DLG2: variants seen among roughly 807,000 people sequenced by gnomAD.
DLG2 encodes disks large homolog 2.
DLG2 carries 45 observed loss-of-function variants against 132.5 expected under a neutral mutation model. That is an observed-to-expected ratio of 0.34 (90% CI 0.27 to 0.44). The LOEUF is 0.44. Ranked by LOEUF, DLG2 falls within the 20% of genes least tolerant of loss-of-function variation. The pLI is 1.00. For missense variants in DLG2, 1,045 were observed against 1,196.9 expected (o/e 0.87, Z 1.87); for synonymous variants, 424 against 419.6 (o/e 1.01, Z -0.13).
chr11:84,259,997 A>G (rs1329963554), intron 7 of DLG2, among the ~76,000 whole-genome samples: 1 of 151,220 alleles, frequency 6.6e-6, no homozygotes, highest in Non-Finnish European at 1.5e-5. Flanking sequence ...ACTCACCATT[A>G]GTATTTTTTA....
chr11:85,094,414 T>A (rs1181345057), intron 6 of DLG2, among the ~76,000 whole-genome samples: 1 of 152,242 alleles, frequency 6.6e-6, no homozygotes, highest in Non-Finnish European at 1.5e-5. Context: ...AGCACCTTCT[T>A]TCATTAGAAG....
At chr11:84,674,106 A>G (rs2099708866) in intron 6 of DLG2, among the ~76,000 whole-genome samples, 1 of 152,200 alleles carries the variant, frequency 6.6e-6, no homozygotes, top group African/African-American at 2.4e-5. Context: ...AATTGGGCAC[A>G]GTAGTGAAAG....
At chr11:84,458,195 T>A (rs2099070534) in intron 7 of DLG2, among the ~76,000 whole-genome samples, 1 of 150,852 alleles carries the variant, frequency 6.6e-6, no homozygotes, top group Non-Finnish European at 1.5e-5. Flanking sequence ...ATATTCCATC[T>A]CATGAATGTG....
At chr11:84,082,331 A>G (rs2096916875) in intron 10 of DLG2, among the ~76,000 whole-genome samples, 1 of 152,182 alleles carries the variant, frequency 6.6e-6, no homozygotes, top group African/African-American at 2.4e-5. Flanking sequence ...TAATAAATAG[A>G]GGCTTTTAGT....
intron 7 of DLG2, among the ~76,000 whole-genome samples, chr11:84,346,085 T>C (rs2098538152): frequency 6.6e-6 from 1 of 152,266 alleles, no homozygotes; most frequent in Admixed American, 6.5e-5. Context: ...AACTACTATG[T>C]GTTTACATAT....
intron 7 of DLG2, among the ~76,000 whole-genome samples, chr11:84,475,853 C>G (rs1280892478): frequency 6.6e-6 from 1 of 152,068 alleles, no homozygotes; most frequent in Non-Finnish European, 1.5e-5. Context: ...GGTGCCCAAG[C>G]TGTGTGCTGT....
At chr11:85,502,201 A>G (rs2093820418) in intron 3 of DLG2, among the ~76,000 whole-genome samples, 1 of 152,054 alleles carries the variant, frequency 6.6e-6, no homozygotes, top group Non-Finnish European at 1.5e-5. Flanking sequence ...TTTCATTCAT[A>G]AGTGGGAGTT....
chr11:85,081,342 T>A (rs1428335077), intron 6 of DLG2, among the ~76,000 whole-genome samples: 1 of 152,136 alleles, frequency 6.6e-6, no homozygotes, highest in African/African-American at 2.4e-5. Flanking sequence ...CTGATTATAT[T>A]GAACACTTAG....
At chr11:84,966,186 T>C (rs143045649) in intron 6 of DLG2, among the ~76,000 whole-genome samples, 6 of 152,192 alleles carry the variant, frequency 3.9e-5, no homozygotes, top group Admixed American at 1.3e-4. Flanking sequence ...TATCTATCTA[T>C]CTACCATGTA....
At chr11:84,446,633 T>G (rs1347362156) in intron 7 of DLG2, among the ~76,000 whole-genome samples, 2 of 152,100 alleles carry the variant, frequency 1.3e-5, no homozygotes, top group African/African-American at 4.8e-5. Context: ...TTACTCTTTT[T>G]TTTTCTTTTT....
intron 15 of DLG2, among the ~76,000 whole-genome samples, chr11:83,906,019 T>G (rs895188317): frequency 6.6e-6 from 1 of 150,564 alleles, no homozygotes; most frequent in Non-Finnish European, 1.5e-5. Context: ...AGCTTGCTAA[T>G]TGGAAGATTG....
chr11:85,399,560 A>G (rs1285877049), intron 3 of DLG2, among the ~76,000 whole-genome samples: 1 of 152,216 alleles, frequency 6.6e-6, no homozygotes, highest in African/African-American at 2.4e-5. Context: ...CCAAAACAGC[A>G]TGGTACTGGT....
chr11:84,405,976 C>A (rs114821004), intron 7 of DLG2, among the ~76,000 whole-genome samples: 2 of 152,156 alleles, frequency 1.3e-5, no homozygotes, highest in Non-Finnish European at 2.9e-5. Flanking sequence ...CATCTCTTGC[C>A]AAGATCATGA....
At chr11:84,599,930 G>T (rs1412753188) in intron 6 of DLG2, among the ~76,000 whole-genome samples, 1 of 151,478 alleles carries the variant, frequency 6.6e-6, no homozygotes, top group African/African-American at 2.4e-5. Context: ...TACTTGGGAG[G>T]CTGAGGTAGG....
chr11:85,466,307 T>G (rs539385350), intron 3 of DLG2, among the ~76,000 whole-genome samples: 34 of 152,352 alleles, frequency 2.2e-4, no homozygotes, highest in African/African-American at 6.0e-4. Flanking sequence ...AGAAGCTCTT[T>G]AGTTTAATTA....
intron 4 of DLG2, among the ~76,000 whole-genome samples, chr11:85,281,141 G>T (rs919737603): frequency 3.3e-5 from 5 of 151,950 alleles, no homozygotes; most frequent in Non-Finnish European, 2.9e-5. Context: ...TTTCCACCAG[G>T]CACTGGAGAT....
chr11:84,270,642 G>A (rs1182061256), intron 7 of DLG2, among the ~76,000 whole-genome samples: 1 of 152,186 alleles, frequency 6.6e-6, no homozygotes, highest in Non-Finnish European at 1.5e-5. Flanking sequence ...AGCTTATGGT[G>A]TGTGAGTGAG....
At chr11:85,427,263 GA>G (rs1224932255) in intron 3 of DLG2, among the ~76,000 whole-genome samples, 1 of 152,110 alleles carries the variant, frequency 6.6e-6, no homozygotes, top group Non-Finnish European at 1.5e-5. Context: ...TCAAATTCAG[GA>G]AATACAGAGA....
Position 84,229,330 on chromosome 11 carries a change from A to G in DLG2, c.573+21908T>C, listed in dbSNP as rs541561666. Reference sequence around the variant, plus strand: ...CTGCTTCCAAATTTTTTCCAGTATCATGGTTTAACTACTTTAATGAAGCGA... The same window carrying G: ...CTGCTTCCAAATTTTTTCCAGTATCGTGGTTTAACTACTTTAATGAAGCGA... On this transcript the variant is annotated intron_variant, in intron 8 of 27. Coordinates refer to ENST00000376104, the MANE Select transcript of DLG2 (RefSeq NM_001142699.3). 7.0e-4 allele frequency among the ~76,000 whole-genome samples: 106 copies of G among 152,234 alleles called. 2 individuals carry two copies. In the South Asian group the frequency reaches 0.02, roughly 28 times the overall value.
Sources: allele counts gnomAD v4.1 joint callset (sites outside exome capture counted in the v4.1 genomes callset), GRCh38; gene constraint gnomAD v4.1.1; transcripts MANE v1.5; gene names NCBI Gene and HGNC (gene_info 2026-07-23, HGNC 2026-07-21).